Variants in NAALAD2 observed in about 807,000 individuals in gnomAD.
NAALAD2 encodes N-acetylated-alpha-linked acidic dipeptidase 2.
Under a neutral mutation model 95.6 loss-of-function variants are expected in NAALAD2, and 89 were observed. The ratio of observed to expected loss-of-function variants is 0.93; its 90% confidence interval spans 0.78 to 1.11. The LOEUF (loss-of-function observed/expected upper bound fraction) is 1.11. Among genes scored for constraint, NAALAD2 ranks in the 50% least tolerant of loss-of-function variants. NAALAD2 has a pLI of 0.00. For missense variants in NAALAD2, 894 were observed against 872.4 expected (o/e 1.02, Z -0.31); for synonymous variants, 264 against 294.4 (o/e 0.90, Z 1.06).
intron 11 of NAALAD2, among the ~76,000 whole-genome samples, chr11:90,164,573 AAG>A (rs1193811391): frequency 2.0e-5 from 3 of 152,036 alleles, no homozygotes; most frequent in Admixed American, 1.3e-4. Context: ...TCTTTTCTAG[AAG>A]AGTGTTATCA....
rs113447625 is a variant in NAALAD2, at chr11:90,159,098, C to T, written c.891-141C>T. ...GCTAGAAAATAAGCTCCACAAAGGG[C>T]GGGCTTTTTGACAGTACCTGGCACT... On this transcript the variant is annotated intron_variant, in intron 7 of 18. Coordinates refer to ENST00000534061, the MANE Select transcript of NAALAD2 (RefSeq NM_005467.4). The T allele has an allele frequency of 4.5e-3, 2,955 of 661,020 alleles. 61 individuals carry two copies. The African/African-American group carries it at 0.048, about 11-fold the overall frequency. 40.9% of individuals were successfully genotyped at this position (661,020 alleles called of 1,614,324 possible).
Position 90,135,768 on chromosome 11 carries a change from CTG to C in NAALAD2, c.194+103_194+104del, listed in dbSNP as rs1262742546. ...GTTATATGCATGAGGACAGTCTTCT[CTG>C]TGTGAAATTACATATTAGTCATCAA... On this transcript the variant is annotated intron_variant, in intron 2 of 18. Coordinates refer to ENST00000534061, the MANE Select transcript of NAALAD2 (RefSeq NM_005467.4). The C allele has an allele frequency of 4.7e-6, 4 of 849,780 alleles. No individual in the cohort carries two copies. In the African/African-American group the frequency reaches 7.1e-5, roughly 15 times the overall value. The allele number at this position is 849,780 out of a possible 1,614,324, so 52.6% of individuals were successfully genotyped here.
chr11:90,145,469 G>C (rs531378863), intron 2 of NAALAD2, among the ~76,000 whole-genome samples: 30 of 152,078 alleles, frequency 2.0e-4, no homozygotes, highest in African/African-American at 7.2e-4. Context: ...CAAAAATAAT[G>C]AATTGTATAA....
intron 12 of NAALAD2, 155 bp downstream of exon 12, chr11:90,169,147 C>G: frequency 2.0e-6 from 1 of 506,048 alleles, no homozygotes; most frequent in African/African-American, 2.0e-5. Context: ...CTCAGTAATA[C>G]CTTTATTTTT....
intron 17 of NAALAD2, among the ~76,000 whole-genome samples, chr11:90,182,018 GC>G (rs1474187128): frequency 3.9e-5 from 6 of 152,014 alleles, no homozygotes; most frequent in African/African-American, 1.4e-4. Context: ...AGAGACAAGG[GC>G]CAAAGGTACC....
chr11:90,150,444 A>G, intron 4 of NAALAD2, 38 bp from the exon 5 acceptor site: 1 of 1,331,888 alleles, frequency 7.5e-7, no homozygotes, highest in South Asian at 1.6e-5. Flanking sequence ...TTTTTCTTTA[A>G]TTTTAGCAGT....
At chr11:90,190,765 ATT>A (rs1263327027) in intron 18 of NAALAD2, among the ~76,000 whole-genome samples, 2 of 152,012 alleles carry the variant, frequency 1.3e-5, no homozygotes, top group East Asian at 3.8e-4. Context: ...AGTGTTATAG[ATT>A]TGTCATTAAT....
intron 2 of NAALAD2, 21 bp from the exon 3 acceptor site, chr11:90,147,309 T>A: frequency 6.3e-7 from 1 of 1,594,372 alleles, no homozygotes. Flanking sequence ...AATGCCCTCT[T>A]ATGTTTTATT....
intron 18 of NAALAD2, among the ~76,000 whole-genome samples, chr11:90,184,653 A>C (rs1857071130): frequency 2.0e-5 from 3 of 152,090 alleles, no homozygotes; most frequent in African/African-American, 7.2e-5. Context: ...GGCTCTGTAG[A>C]AGCATATAAA....
intron 16 of NAALAD2, among the ~76,000 whole-genome samples, chr11:90,178,474 A>G (rs1041412331): frequency 1.2e-4 from 19 of 152,202 alleles, no homozygotes; most frequent in African/African-American, 4.6e-4. Flanking sequence ...GATCGAGACC[A>G]TTCTGGCTAT....
In NAALAD2 at chr11:90,159,141, T is replaced by C. The variant is rs188462658; in HGVS notation, c.891-98T>C. 333 of 923,368 alleles carry C rather than the reference T, an allele frequency of 3.6e-4. 1 individual carries two copies. The African/African-American group carries it at 5.0e-3, about 14-fold the overall frequency. The allele number at this position is 923,368 out of a possible 1,614,324, so 57.2% of individuals were successfully genotyped here. On this transcript the variant is annotated intron_variant, in intron 7 of 18. Transcript: ENST00000534061. ...CTGGCACTTAGTAAATGACAAATATTTGTTATATATATGAATGAAATATTG... is the reference window on the plus strand; with the variant it reads ...CTGGCACTTAGTAAATGACAAATATCTGTTATATATATGAATGAAATATTG...
At chr11:90,141,090 T>A (rs1419840345) in intron 2 of NAALAD2, among the ~76,000 whole-genome samples, 2 of 152,220 alleles carry the variant, frequency 1.3e-5, no homozygotes, top group Non-Finnish European at 2.9e-5. Flanking sequence ...GGGTTTTATA[T>A]TCTGCCCTAT....
At chr11:90,176,513 G>A (rs1386671290) in intron 15 of NAALAD2, among the ~76,000 whole-genome samples, 1 of 152,128 alleles carries the variant, frequency 6.6e-6, no homozygotes, top group Admixed American at 6.6e-5. Context: ...TGTCACCTGA[G>A]TCAAGGGTTC....
intron 18 of NAALAD2, among the ~76,000 whole-genome samples, chr11:90,187,042 CATTT>C (rs754525197): frequency 1.3e-5 from 2 of 152,006 alleles, no homozygotes; most frequent in Non-Finnish European, 2.9e-5. Flanking sequence ...CAAAAGAAGA[CATTT>C]ATGCAGCCAA....
At chr11:90,156,122 C>T (rs1272974898) in intron 6 of NAALAD2, among the ~76,000 whole-genome samples, 1 of 151,702 alleles carries the variant, frequency 6.6e-6, no homozygotes, top group Admixed American at 6.6e-5. Flanking sequence ...GTCATTTCTC[C>T]TTTAGTCCTG....
chr11:90,158,528 A>G (rs2134901081), intron 7 of NAALAD2: 2 of 281,212 alleles, frequency 7.1e-6, no homozygotes, highest in Non-Finnish European at 1.3e-5. Context: ...TTGAATTTTC[A>G]TAGGTATTCA....
intron 6 of NAALAD2, among the ~76,000 whole-genome samples, chr11:90,155,919 T>C (rs1345261338): frequency 1.4e-5 from 2 of 144,854 alleles, no homozygotes; most frequent in Non-Finnish European, 3.0e-5. Flanking sequence ...ATGTAATATA[T>C]ATGTAATGTA....
At position 90,147,633 on chromosome 11, in the gene NAALAD2, A is replaced by G. The variant is rs1361012204; in HGVS notation, c.381+117A>G. 7 of 931,548 alleles carry G rather than the reference A, an allele frequency of 7.5e-6. No homozygotes were observed. The Admixed American group carries it at 1.1e-4, about 14-fold the overall frequency. The allele number at this position is 931,548 out of a possible 1,614,324, so 57.7% of individuals were successfully genotyped here. ...AATAGTGAATTATTCAGTATCCACT[A>G]TGTGTTCGACATGGTGTTAAGTCCT... On this transcript the variant is annotated intron_variant, in intron 3 of 18. Transcript: ENST00000534061.
chr11:90,181,618 A>T lies in NAALAD2; in HGVS notation c.1859-2A>T, dbSNP rs200915206. ...TCTTCTTCTTTTCTATTTTTAAAAA[A>T]GACTCCTTATTTTCTGCTGTGAAAA... is the stretch of plus-strand genomic sequence containing the variant. On this transcript the variant is annotated splice_acceptor_variant, in intron 16 of 18. Transcript: ENST00000534061. LOFTEE classifies it high-confidence loss of function. 1.1e-5 allele frequency: 18 copies of T among 1,585,314 alleles called. No homozygotes were observed. In the East Asian group the frequency reaches 3.6e-4, roughly 32 times the overall value.
Sources: gnomAD v4.1 joint callset for allele counts (sites outside exome capture counted in the v4.1 genomes callset) on GRCh38, gnomAD v4.1.1 for gene constraint, MANE v1.5 for transcripts, NCBI Gene and HGNC (gene_info 2026-07-23, HGNC 2026-07-21) for gene names.